DLG1: variants seen among roughly 807,000 people sequenced by gnomAD.
DLG1 encodes the protein disks large homolog 1.
A neutral mutation model predicts 123.4 loss-of-function variants in DLG1; 42 were observed. The ratio of observed to expected loss-of-function variants is 0.34; its 90% CI spans 0.27 to 0.44. DLG1 has a LOEUF of 0.44. Among genes scored for constraint, DLG1 ranks in the 20% least tolerant of loss-of-function variants. DLG1 has a pLI of 1.00. For synonymous variants in DLG1, 317 were observed against 356.2 expected, an observed-to-expected ratio of 0.89 and a Z score of 1.24; for missense variants, 942 against 1,082.6, an observed-to-expected ratio of 0.87 and a Z score of 1.82.
At chr3:197,290,897 TAA>T (rs34807556) in intron 3 of DLG1, among the ~76,000 whole-genome samples, 32,335 of 87,774 alleles carry the variant, frequency 0.37, 4,624 homozygotes, top group East Asian at 0.66. Context: ...CTCCAAATAG[TAA>T]AAAAAAAAAA....
rs536407273 is a variant in DLG1 at position 197,058,258 on chromosome 3, G to C, written c.2483+1631C>G. Among the ~76,000 whole-genome samples, 255 of 152,226 alleles carry C rather than the reference G, an allele frequency of 1.7e-3. 1 individual carries two copies. Among genetic ancestry groups the C allele is most frequent in the Admixed American group, 4.3e-3 (66 of 15,292 alleles). Reference sequence around the variant, plus strand: ...GCCTCCTGAAGTGTTGGGATTATAGGGGCCGGCCGTTGTGCCCCGCCTTCT... The same window carrying C: ...GCCTCCTGAAGTGTTGGGATTATAGCGGCCGGCCGTTGTGCCCCGCCTTCT... On this transcript the variant is annotated intron_variant, in intron 23 of 24. Coordinates refer to ENST00000667157, the MANE Select transcript of DLG1 (RefSeq NM_001366207.1).
At chr3:197,183,804 T>C in intron 5 of DLG1, 1 of 1,549,876 alleles carries the variant, frequency 6.5e-7, no homozygotes, top group South Asian at 1.2e-5. Flanking sequence ...GAAAATGTAA[T>C]TCATCTCTGC....
chr3:197,094,437 TCTC>T (rs1759483963), intron 14 of DLG1, among the ~76,000 whole-genome samples: 1 of 152,172 alleles, frequency 6.6e-6, no homozygotes, highest in South Asian at 2.1e-4. Flanking sequence ...TGTCTTTTGG[TCTC>T]CTCCTACAAG....
chr3:197,134,830 T>G (rs910714639), intron 10 of DLG1, among the ~76,000 whole-genome samples: 1 of 152,244 alleles, frequency 6.6e-6, no homozygotes, highest in African/African-American at 2.4e-5. Flanking sequence ...AGGAGCTGGC[T>G]TCCCTAGAAA....
chr3:197,136,767 C>G, intron 9 of DLG1, 89 bp from the exon 10 acceptor site: 1 of 1,111,016 alleles, frequency 9.0e-7, no homozygotes. Context: ...TAATTATTCC[C>G]TCACACTAAT....
At chr3:197,177,077 A>G (rs1807517136) in intron 5 of DLG1, among the ~76,000 whole-genome samples, 1 of 152,136 alleles carries the variant, frequency 6.6e-6, no homozygotes, top group Non-Finnish European at 1.5e-5. Context: ...GCACTGTAAA[A>G]GTTTCCAGAA....
intron 5 of DLG1, among the ~76,000 whole-genome samples, chr3:197,162,299 T>C (rs1008959458): frequency 1.3e-5 from 2 of 152,030 alleles, no homozygotes; most frequent in African/African-American, 2.4e-5. Flanking sequence ...AAAAACAACG[T>C]AGAGAGAACC....
Position 197,158,634 on chromosome 3 carries a change from C to CAAAAAAAAAAAAA in DLG1, c.484-8851_484-8839dup, listed in dbSNP as rs71623339. 4.1e-4 allele frequency among the ~76,000 whole-genome samples: 28 copies of CAAAAAAAAAAAAA among 67,484 alleles called. 1 individual carries two copies. The highest frequency in any genetic ancestry group is 7.6e-3 in the Middle Eastern group (1 of 132). 44.3% of individuals were successfully genotyped at this position (67,484 alleles called of 152,430 possible). ...GGGTAACAAGAGCAAAACTCCATTT[C>CAAAAAAAAAAAAA]AAAAAAAAAAAAAAAAAAAAAAAGC... On this transcript the variant is annotated intron_variant, in intron 5 of 24. Coordinates refer to ENST00000667157, the MANE Select transcript of DLG1 (RefSeq NM_001366207.1).
At chr3:197,271,607 G>GT (rs1316273767) in intron 4 of DLG1, among the ~76,000 whole-genome samples, 2 of 152,062 alleles carry the variant, frequency 1.3e-5, no homozygotes, top group Non-Finnish European at 1.5e-5. Flanking sequence ...TGCATAAATG[G>GT]TATGTATTTG....
chr3:197,297,154 A>G (rs1777832477), intron 2 of DLG1, 32 bp downstream of exon 2: 2 of 1,613,732 alleles, frequency 1.2e-6, no homozygotes, highest in African/African-American at 1.3e-5. Context: ...AGCAAGTGAC[A>G]TCGACAACAG....
chr3:197,285,462 AGAG>A (rs1002690926), intron 3 of DLG1, among the ~76,000 whole-genome samples: 3 of 152,114 alleles, frequency 2.0e-5, no homozygotes, highest in South Asian at 2.1e-4. Flanking sequence ...GATGGGGAAA[AGAG>A]AATGAAAAGA....
At chr3:197,161,752 A>G in intron 5 of DLG1, 1 of 1,520,064 alleles carries the variant, frequency 6.6e-7, no homozygotes, top group Non-Finnish European at 8.9e-7. Flanking sequence ...AAAATCATCA[A>G]TGACAAAAAA....
At chr3:197,064,760 A>G (rs1291728374) in intron 22 of DLG1, among the ~76,000 whole-genome samples, 1 of 152,122 alleles carries the variant, frequency 6.6e-6, no homozygotes, top group Non-Finnish European at 1.5e-5. Context: ...TTGGCCATAA[A>G]AAAAGTTTTT....
intron 3 of DLG1, 114 bp downstream of exon 3, chr3:197,296,232 A>C: frequency 3.8e-6 from 4 of 1,039,944 alleles, no homozygotes; most frequent in Non-Finnish European, 5.6e-6. Context: ...AAGATGTTCA[A>C]GTTACCGAAT....
chr3:197,182,060 G>C (rs1241994941), intron 5 of DLG1, among the ~76,000 whole-genome samples: 1 of 152,062 alleles, frequency 6.6e-6, no homozygotes, highest in African/African-American at 2.4e-5. Flanking sequence ...TTAATAAACC[G>C]AGTGACAGAT....
In DLG1 at chr3:197,115,973, G is replaced by C; in HGVS notation, c.1397C>G (p.Pro466Arg). ...IFISFILAGG[P>R]ADLSGELRKG... Reference sequence around the variant, plus strand: ...TCTGAGCTCTCCACTTAGATCAGCAGGTCCTCCGGCTAAGATAAAGGAAAT... The same window carrying C: ...TCTGAGCTCTCCACTTAGATCAGCACGTCCTCCGGCTAAGATAAAGGAAAT... The change falls in exon 13 of 25, where the codon CCT becomes CGT. Residue 466 changes from proline to arginine, a missense_variant. Transcript: ENST00000667157. 1 of 1,613,108 alleles carries C rather than the reference G, an allele frequency of 6.2e-7. No homozygotes were observed. Among genetic ancestry groups the C allele is most frequent in the Non-Finnish European group, 8.5e-7 (1 of 1,179,658 alleles).
At chr3:197,201,179 C>T (rs375667461) in intron 4 of DLG1, among the ~76,000 whole-genome samples, 5 of 152,144 alleles carry the variant, frequency 3.3e-5, no homozygotes, top group African/African-American at 1.2e-4. Flanking sequence ...GTCAGGAGAT[C>T]GAGACCATCC....
intron 2 of DLG1, 197 bp from the exon 3 acceptor site, chr3:197,296,674 T>C (rs1227023006): frequency 6.2e-6 from 3 of 484,878 alleles, no homozygotes; most frequent in East Asian, 3.1e-5. Flanking sequence ...ACAAGAAAAA[T>C]TTAAACATAT....
At chr3:197,103,270 G>A (rs9855295) in intron 14 of DLG1, among the ~76,000 whole-genome samples, 48,185 of 151,966 alleles carry the variant, frequency 0.32, 8,095 homozygotes, top group Middle Eastern at 0.41. Context: ...AGGAGCATGC[G>A]TGTATGTTTT....
Sources: allele counts gnomAD v4.1 joint callset (sites outside exome capture counted in the v4.1 genomes callset), GRCh38; gene constraint gnomAD v4.1.1; transcripts MANE v1.5; gene names NCBI Gene and HGNC (gene_info 2026-07-23, HGNC 2026-07-21).